FGD2: variants seen among roughly 807,000 people sequenced by gnomAD.
FGD2 encodes FYVE, RhoGEF and PH domain-containing protein 2.
A neutral mutation model predicts 75.9 loss-of-function variants in FGD2; 52 were observed. The ratio of observed to expected loss-of-function variants is 0.69; its 90% CI spans 0.55 to 0.86. FGD2 has a LOEUF of 0.86. Among genes scored for constraint, FGD2 ranks in the 40% least tolerant of loss-of-function variants. The pLI is 0.00. For missense variants in FGD2, 790 were observed against 872.0 expected (o/e 0.91, Z 1.18); for synonymous variants, 347 against 348.6 (o/e 1.00, Z 0.05).
intron 4 of FGD2, chr6:37,012,160 T>G (rs1456655889): frequency 3.4e-6 from 1 of 291,022 alleles, no homozygotes; most frequent in Non-Finnish European, 6.3e-6. Context: ...CGCCTGGCCT[T>G]GGGCTTTCCC....
intron 1 of FGD2, among the ~76,000 whole-genome samples, chr6:37,007,341 C>A (rs1764801156): frequency 6.6e-6 from 1 of 152,184 alleles, no homozygotes; most frequent in African/African-American, 2.4e-5. Context: ...TTCTCCCCTG[C>A]CTCTCCCGGG....
At chr6:37,022,441 C>G in intron 13 of FGD2, 71 bp downstream of exon 13, 2 of 1,492,928 alleles carry the variant, frequency 1.3e-6, no homozygotes, top group Non-Finnish European at 1.8e-6. Context: ...ACCCAGGCCT[C>G]CACCTTTCCT....
chr6:37,020,640 G>C lies in FGD2; in HGVS notation c.1202+20G>C, dbSNP rs1372740950. The C allele has an allele frequency of 6.3e-7, 1 of 1,592,988 alleles. No homozygotes were observed. The highest frequency in any genetic ancestry group is 1.8e-5 in the Admixed American group (1 of 56,800). On this transcript the variant is annotated intron_variant, in intron 10 of 15. Transcript: ENST00000274963. The stretch of plus-strand genomic sequence containing the variant: ...AGCCCGGTAAAGGAGCTGGGGTGGC[G>C]GCCCAGGGCCAGGCGGGAAAACTGG...
chr6:37,025,645 C>A, intron 13 of FGD2, 147 bp from the exon 14 acceptor site: 1 of 800,096 alleles, frequency 1.2e-6, no homozygotes, highest in Non-Finnish European at 2.0e-6. Flanking sequence ...GGGGAGCATC[C>A]CCGCTCTGCC....
rs369593356 is a variant in FGD2 at position 37,013,948 on chromosome 6, C to T, written c.685-14C>T. The T allele has an allele frequency of 2.5e-6, 4 of 1,611,492 alleles. No homozygotes were observed. The highest frequency in any genetic ancestry group is 1.3e-5 in the African/African-American group (1 of 74,894). ...TCTCACCCTCTCCGTGTTGCTCCCCCATCCCTCCCCAAGAGCAGCGAGGCT... is the reference window on the plus strand; with the variant it reads ...TCTCACCCTCTCCGTGTTGCTCCCCTATCCCTCCCCAAGAGCAGCGAGGCT... On this transcript the variant is annotated splice_polypyrimidine_tract_variant and intron_variant, in intron 5 of 15. Coordinates refer to ENST00000274963, the MANE Select transcript of FGD2 (RefSeq NM_173558.4).
In FGD2 at chr6:37,013,603, C is replaced by T. The variant is rs1765128379; in HGVS notation, c.528-6C>T. 1.2e-6 allele frequency: 2 copies of T among 1,612,850 alleles called. No homozygotes were observed. The highest frequency in any genetic ancestry group is 1.3e-5 in the African/African-American group (1 of 75,028). On this transcript the variant is annotated splice_region_variant and splice_polypyrimidine_tract_variant and intron_variant, in intron 4 of 15. Coordinates refer to ENST00000274963, the MANE Select transcript of FGD2 (RefSeq NM_173558.4). ...GCTGAGGGCAATCCCTGTGCCCCTC[C>T]TGCAGGACAGCTAACCCCCGCATCG... is the stretch of plus-strand genomic sequence containing the variant.
chr6:37,017,176 C>T (rs1765340623), intron 9 of FGD2, among the ~76,000 whole-genome samples: 1 of 152,084 alleles, frequency 6.6e-6, no homozygotes, highest in Non-Finnish European at 1.5e-5. Context: ...CCTCATCCTC[C>T]TGCCCAGCTG....
At chr6:37,012,099 A>T (rs72848059) in intron 4 of FGD2, 2 of 452,738 alleles carry the variant, frequency 4.4e-6, no homozygotes, top group African/African-American at 4.1e-5. Flanking sequence ...CAAGTGACCA[A>T]GTGACTTTGG....
In FGD2 at chr6:37,028,051, ACAC is replaced by A; in HGVS notation, c.1858_1860del (p.Thr620del). The A allele has an allele frequency of 6.2e-7, 1 of 1,613,992 alleles. No individual in the cohort carries two copies. The highest frequency in any genetic ancestry group is 1.1e-5 in the South Asian group (1 of 91,088). ...CAGCTACAGCAGTCAGGCCAGCTCT[ACAC>A]CTTCAAGGCCGAGACGGAGGAGCTG... On this transcript the variant is annotated inframe_deletion, in exon 16 of 16. Coordinates refer to ENST00000274963, the MANE Select transcript of FGD2 (RefSeq NM_173558.4).
chr6:37,006,148 T>G (rs966866534), intron 1 of FGD2, among the ~76,000 whole-genome samples: 2 of 152,208 alleles, frequency 1.3e-5, no homozygotes, highest in African/African-American at 2.4e-5. Context: ...AGCCTGTGTG[T>G]GGGCACAGGA....
intron 9 of FGD2, among the ~76,000 whole-genome samples, chr6:37,016,534 A>T (rs1765304676): frequency 1.5e-5 from 2 of 136,768 alleles, no homozygotes; most frequent in Admixed American, 7.3e-5. Flanking sequence ...AATCTTCTGG[A>T]TTTTTTTTTT....
Position 37,027,996 on chromosome 6 carries a change from G to T in FGD2, c.1801G>T (p.Val601Phe), listed in dbSNP as rs1340930130. 6.2e-7 allele frequency: 1 copy of T among 1,614,006 alleles called. No homozygotes were observed. The highest frequency in any genetic ancestry group is 8.5e-7 in the Non-Finnish European group (1 of 1,180,048). Residue 601 changes from valine to phenylalanine, a missense_variant, in exon 16 of 16, where the codon GTT becomes TTT. Val to Phe is a conservative substitution (Grantham distance 50). Coordinates refer to ENST00000274963, the MANE Select transcript of FGD2 (RefSeq NM_173558.4). ...CCCCCTGCTGGGCTACCAGGTGACT[G>T]TTGGGCCCCAGGGGGACCCTCGGGT... is the stretch of plus-strand genomic sequence containing the variant. ...SIPLLGYQVT[V>F]GPQGDPRVFQ...
At chr6:37,024,001 C>T (rs1038954147) in intron 13 of FGD2, 1 of 152,180 alleles carries the variant, frequency 6.6e-6, no homozygotes, top group African/African-American at 2.4e-5. Context: ...CAAGGTTGCT[C>T]TTGGGACCAT....
At chr6:37,011,950 C>A in intron 4 of FGD2, 96 bp downstream of exon 4, 1 of 1,405,196 alleles carries the variant, frequency 7.1e-7, no homozygotes, top group Non-Finnish European at 9.5e-7. Flanking sequence ...CTCCTAGGCC[C>A]AGGCCCTTAT....
Position 37,020,745 on chromosome 6 carries a change from G to A in FGD2, c.1233+6G>A, listed in dbSNP as rs1334783356. 1 of 1,564,528 alleles carries A rather than the reference G, an allele frequency of 6.4e-7. No homozygotes were observed. Among genetic ancestry groups the A allele is most frequent in the Admixed American group, 1.9e-5 (1 of 52,866 alleles). The stretch of plus-strand genomic sequence containing the variant: ...AAATGATTTCCTGGATGCAGGTATG[G>A]GAACGCTCCGAGGCTTCTGGGAGTC... On this transcript the variant is annotated splice_donor_region_variant and intron_variant, in intron 11 of 15. Coordinates refer to ENST00000274963, the MANE Select transcript of FGD2 (RefSeq NM_173558.4).
intron 13 of FGD2, chr6:37,025,506 G>A (rs1583325655): frequency 4.5e-6 from 2 of 447,032 alleles, no homozygotes; most frequent in Admixed American, 3.4e-5. Context: ...TCACTCGGAG[G>A]GAACCTGGAG....
In FGD2 at chr6:37,021,538, CGAGAA is replaced by C; in HGVS notation, c.1262_1266del (p.Glu421AlafsTer3). On this transcript the variant is annotated frameshift_variant, in exon 12 of 16. Coordinates refer to ENST00000274963, the MANE Select transcript of FGD2 (RefSeq NM_173558.4). LOFTEE classifies it high-confidence loss of function. ...CCTTCCAAGCAGCCATTGACCAAAT[CGAGAA>C]GCGGAATGAAACCTTCAAGGCTGCG... 6.2e-7 allele frequency: 1 copy of C among 1,613,884 alleles called. No homozygotes were observed. The highest frequency in any genetic ancestry group is 8.5e-7 in the Non-Finnish European group (1 of 1,179,888).
At chr6:37,025,644 C>T (rs1765781706) in intron 13 of FGD2, 148 bp from the exon 14 acceptor site, 7 of 793,246 alleles carry the variant, frequency 8.8e-6, no homozygotes, top group Non-Finnish European at 1.4e-5. Flanking sequence ...GGGGGAGCAT[C>T]CCCGCTCTGC....
chr6:37,020,958 CTGTGTGTTTGTG>C (rs749181299), intron 11 of FGD2, among the ~76,000 whole-genome samples: 63 of 137,602 alleles, frequency 4.6e-4, no homozygotes, highest in South Asian at 2.3e-3. Context: ...ATGTCTGTGT[CTGTGTGTTTGTG>C]TGTGTGTTTG....
Sources: allele counts gnomAD v4.1 joint callset (sites outside exome capture counted in the v4.1 genomes callset), GRCh38; gene constraint gnomAD v4.1.1; transcripts MANE v1.5; gene names NCBI Gene and HGNC (gene_info 2026-07-23, HGNC 2026-07-21).